Variants in ZFP62 observed in about 807,000 individuals in gnomAD.
The protein encoded by ZFP62 is ZFP62 zinc finger protein, also known as zinc finger protein 62 homolog.
Under a neutral mutation model 56.4 loss-of-function variants are expected in ZFP62, and 44 were observed. The observed-to-expected ratio is 0.78, with a 90% confidence interval of 0.61 to 1.00. The LOEUF (loss-of-function observed/expected upper bound fraction) is 1.00, where lower values mean the gene tolerates loss of function less well. Ranked by LOEUF, ZFP62 falls within the 50% of genes least tolerant of loss-of-function variation. The pLI is 0.00. For missense variants in ZFP62, 1,030 were observed against 1,085.7 expected (o/e 0.95, Z 0.72); for synonymous variants, 421 against 388.9 (o/e 1.08, Z -0.97).
chr5:180,856,311 T>C (rs909232137), intron 1 of ZFP62, among the ~76,000 whole-genome samples: 1 of 152,166 alleles, frequency 6.6e-6, no homozygotes, highest in African/African-American at 2.4e-5. Context: ...AATAGATGGC[T>C]TGAAATGAAA....
At chr5:180,853,683 A>G (rs111918759) in intron 1 of ZFP62, among the ~76,000 whole-genome samples, 6,534 of 152,312 alleles carry the variant, frequency 0.043, 152 homozygotes, top group South Asian at 0.11. Flanking sequence ...GCAACTTAGA[A>G]ACGTATTTGA....
downstream of ZFP62, among the ~76,000 whole-genome samples, chr5:180,847,248 G>C (rs894560669): frequency 3.3e-5 from 5 of 152,200 alleles, no homozygotes; most frequent in African/African-American, 9.6e-5. Flanking sequence ...ATTCTCAGAA[G>C]AGTCTATTTT....
chr5:180,833,492 A>AC, the ZFP62 span, among the ~76,000 whole-genome samples: 1,508 of 150,154 alleles, frequency 0.01, 29 homozygotes, highest in African/African-American at 0.034. Flanking sequence ...AAAAAAAAAA[A>AC]AAAAAGAGAA....
the ZFP62 span, among the ~76,000 whole-genome samples, chr5:180,828,172 AG>A: frequency 6.6e-6 from 1 of 152,246 alleles, no homozygotes; most frequent in East Asian, 1.9e-4. Context: ...TTCTTTTCCA[AG>A]TCTCTCGTTC....
chr5:180,848,820 T>G lies in ZFP62; in HGVS notation c.2675A>C (p.Asp892Ala). 6.5e-7 allele frequency: 1 copy of G among 1,542,020 alleles called. No homozygotes were observed. The highest frequency in any genetic ancestry group is 2.5e-5 in the East Asian group (1 of 40,674). Residue 892 changes from aspartate (D) to alanine (A), a missense_variant, in exon 2 of 2, where the codon GAT becomes GCT. By Grantham distance (126) the Asp-to-Ala change is moderately radical (BLOSUM62 -2). Transcript: ENST00000502412. ...CAGAGGCATCCTCATCCTGCCCCCA[T>G]CCAGGGCATTCCCTCCCTCATAGGT... is the stretch of plus-strand genomic sequence containing the variant. ...KRTYEGGNALDGGRMRMPL is the reference protein window; with the variant it reads ...KRTYEGGNALAGGRMRMPL
intron 1 of ZFP62, among the ~76,000 whole-genome samples, chr5:180,852,498 G>T (rs1239074432): frequency 6.7e-6 from 1 of 149,702 alleles, no homozygotes; most frequent in Non-Finnish European, 1.5e-5. Context: ...AGGTTGCAGT[G>T]AGCCGAGATC....
In ZFP62 at chr5:180,849,271, A is replaced by G; in HGVS notation, c.2224T>C (p.Ser742Pro). 2 of 1,553,916 alleles carry G rather than the reference A, an allele frequency of 1.3e-6. No homozygotes were observed. Among genetic ancestry groups the G allele is most frequent in the Non-Finnish European group, 1.7e-6 (2 of 1,148,256 alleles). ...VECGKSFSYSSLLSQHKRIHT... is the reference protein window; with the variant it reads ...VECGKSFSYSPLLSQHKRIHT... ...ATCCTCTTGTGCTGAGAAAGGAGAG[A>G]GCTGTAACTGAAAGATTTCCCACAC... The change falls in exon 2 of 2, where the codon TCT becomes CCT. Residue 742 changes from serine to proline, a missense_variant. Physicochemically the swap from Ser to Pro is moderately conservative, Grantham distance 74. Transcript: ENST00000502412.
the ZFP62 span, among the ~76,000 whole-genome samples, chr5:180,837,057 G>A: frequency 1.6e-4 from 24 of 152,138 alleles, no homozygotes; most frequent in Non-Finnish European, 2.9e-5. Context: ...GCCACCTACC[G>A]CCTGCTTCCC....
chr5:180,848,061 C>A lies in ZFP62; in HGVS notation c.*731G>T. 1.0e-6 allele frequency: 1 copy of A among 985,382 alleles called. No individual in the cohort carries two copies. Among genetic ancestry groups the A allele is most frequent in the Non-Finnish European group, 1.2e-6 (1 of 829,918 alleles). The allele number at this position is 985,382 out of a possible 1,614,324, so 61.0% of individuals were successfully genotyped here. On this transcript the variant is annotated 3_prime_UTR_variant, in exon 2 of 2. Coordinates refer to ENST00000502412, the MANE Select transcript of ZFP62 (RefSeq NM_001172638.2). ...TATCCCTCATCACAAATTCATCATT[C>A]ATTATGGGAGTTCATCTGAAACTTT... is the stretch of plus-strand genomic sequence containing the variant.
downstream of ZFP62, among the ~76,000 whole-genome samples, chr5:180,842,940 G>A (rs1349895109): frequency 6.6e-6 from 1 of 152,014 alleles, no homozygotes; most frequent in East Asian, 1.9e-4. Context: ...CTACTGGGGA[G>A]GCTGAGGTAG....
Position 180,854,827 on chromosome 5 carries a change from C to A in ZFP62, c.2-3334G>T, listed in dbSNP as rs376312869. ...TCAAATACATCATTTTCATAAAAGA[C>A]AAAGAAGAGCTGTACAAATGTTCCA... On this transcript the variant is annotated intron_variant, in intron 1 of 1. Coordinates refer to ENST00000502412, the MANE Select transcript of ZFP62 (RefSeq NM_001172638.2). 5.9e-5 allele frequency among the ~76,000 whole-genome samples: 9 copies of A among 152,172 alleles called. No homozygotes were observed. The East Asian group carries it at 1.5e-3, about 26-fold the overall frequency.
chr5:180,859,488 A>C (rs191147553), intron 1 of ZFP62, among the ~76,000 whole-genome samples: 4 of 152,348 alleles, frequency 2.6e-5, no homozygotes, highest in Admixed American at 1.3e-4. Context: ...TATATGATTA[A>C]CGTGAGTTGG....
downstream of ZFP62, among the ~76,000 whole-genome samples, chr5:180,847,370 T>C (rs1773439857): frequency 3.8e-5 from 1 of 26,158 alleles, no homozygotes; most frequent in East Asian, 0.1. Flanking sequence ...ACAACCTACC[T>C]GCTCCCGAGT....
At chr5:180,839,224 G>T in the ZFP62 span, among the ~76,000 whole-genome samples, 1 of 152,156 alleles carries the variant, frequency 6.6e-6, no homozygotes, top group African/African-American at 2.4e-5. Context: ...TCATATAAAG[G>T]CCTGGTATAG....
chr5:180,827,935 G>T, the ZFP62 span, among the ~76,000 whole-genome samples: 1 of 152,206 alleles, frequency 6.6e-6, no homozygotes, highest in African/African-American at 2.4e-5. Context: ...CACAGCACTT[G>T]ATTCTTTACC....
Position 180,849,141 on chromosome 5 carries a change from T to C in ZFP62, c.2354A>G (p.Tyr785Cys), listed in dbSNP as rs755421914. The C allele has an allele frequency of 3.8e-5, 60 of 1,562,836 alleles. No individual in the cohort carries two copies. The highest frequency in any genetic ancestry group is 2.2e-4 in the African/African-American group (16 of 73,292). Reference protein sequence around the residue: ...HKRIHTGEKPYECDECGKAYI... With the variant: ...HKRIHTGEKPCECDECGKAYI... ...TGCCTTCCCACACTCATCACATTCATAGGGTTTCTCACCTGTGTGGATCCT... is the reference window on the plus strand; with the variant it reads ...TGCCTTCCCACACTCATCACATTCACAGGGTTTCTCACCTGTGTGGATCCT... The change falls in exon 2 of 2, where the codon TAT becomes TGT. Residue 785 changes from tyrosine (Y) to cysteine (C), a missense_variant. Coordinates refer to ENST00000502412, the MANE Select transcript of ZFP62 (RefSeq NM_001172638.2).
chr5:180,850,124 C>A lies in ZFP62; in HGVS notation c.1371G>T (p.Thr457=). Reference sequence around the variant, plus strand: ...CTTTGAGGCCTGCATTGTTTCTGAACGTTTTCCCACACACATCACATACAT... The same window carrying A: ...CTTTGAGGCCTGCATTGTTTCTGAAAGTTTTCCCACACACATCACATACAT... ...RPYVCDVCGK[T]FRNNAGLKVH... Residue 457 remains threonine, a synonymous_variant, in exon 2 of 2, where the codon ACG becomes ACT. Transcript: ENST00000502412. 2 of 1,551,482 alleles carry A rather than the reference C, an allele frequency of 1.3e-6. No homozygotes were observed. Among genetic ancestry groups the A allele is most frequent in the Non-Finnish European group, 1.7e-6 (2 of 1,146,972 alleles).
chr5:180,857,455 G>A (rs1482543509), intron 1 of ZFP62, among the ~76,000 whole-genome samples: 1 of 152,040 alleles, frequency 6.6e-6, no homozygotes, highest in Non-Finnish European at 1.5e-5. Context: ...GCTAATTTAG[G>A]CTGGTATAAT....
At chr5:180,834,739 G>A in the ZFP62 span, 3 of 152,238 alleles carry the variant, frequency 2.0e-5, no homozygotes, top group Admixed American at 1.3e-4. Flanking sequence ...ATCTTCTGGT[G>A]GGTTTACCAG....
Sources: allele counts gnomAD v4.1 joint callset (sites outside exome capture counted in the v4.1 genomes callset), GRCh38; gene constraint gnomAD v4.1.1; transcripts MANE v1.5; gene names NCBI Gene and HGNC (gene_info 2026-07-23, HGNC 2026-07-21).